The following RTN4 variants were observed in gnomAD, a reference collection of about 807,000 sequenced individuals.
The protein encoded by RTN4 is reticulon-4.
A neutral mutation model predicts 90.4 loss-of-function variants in RTN4; 32 were observed. That is an observed-to-expected ratio of 0.35 (90% CI 0.27 to 0.48). The LOEUF (loss-of-function observed/expected upper bound fraction) is 0.48, where lower values mean the gene tolerates loss of function less well. RTN4 is among the 20% of genes least tolerant of loss of function. RTN4 has a pLI of 0.99. For synonymous variants in RTN4, 629 were observed against 552.5 expected, an observed-to-expected ratio of 1.14 and a Z score of -1.94; for missense variants, 1,706 against 1,430.2, an observed-to-expected ratio of 1.19 and a Z score of -3.11.
chr2:55,049,472 G>C (rs1188221348), intron 1 of RTN4: 1 of 489,698 alleles, frequency 2.0e-6, no homozygotes, highest in Non-Finnish European at 3.8e-6. Flanking sequence ...CCGAGAATCC[G>C]TACGCTGGGC....
chr2:55,003,300 T>C (rs1679974729), intron 3 of RTN4, among the ~76,000 whole-genome samples: 1 of 152,224 alleles, frequency 6.6e-6, no homozygotes, highest in Admixed American at 6.5e-5. Context: ...AATTTGGTAA[T>C]TTTTCAGTTT....
intron 2 of RTN4, among the ~76,000 whole-genome samples, chr2:55,072,124 T>C (rs543778651): frequency 6.7e-6 from 1 of 149,174 alleles, no homozygotes; most frequent in African/African-American, 2.5e-5. Context: ...AAACAGTCCC[T>C]TATTGATGTG....
intron 2 of RTN4, among the ~76,000 whole-genome samples, chr2:55,065,293 C>G (rs539488343): frequency 6.6e-6 from 1 of 152,314 alleles, no homozygotes; most frequent in East Asian, 1.9e-4. Context: ...AAATTGCACT[C>G]ATAATCTCTG....
chr2:55,021,662 A>T (rs1219346814), intron 3 of RTN4, among the ~76,000 whole-genome samples: 1 of 152,098 alleles, frequency 6.6e-6, no homozygotes, highest in Non-Finnish European at 1.5e-5. Flanking sequence ...TTATATAATC[A>T]AGTCAAGAAA....
At chr2:55,032,075 T>G (rs1682357629) in intron 1 of RTN4, among the ~76,000 whole-genome samples, 1 of 151,824 alleles carries the variant, frequency 6.6e-6, no homozygotes, top group Non-Finnish European at 1.5e-5. Flanking sequence ...AACGTAGACG[T>G]TGGATTCGCA....
chr2:55,065,367 A>G (rs1344228978), intron 2 of RTN4, among the ~76,000 whole-genome samples: 1 of 152,172 alleles, frequency 6.6e-6, no homozygotes, highest in Admixed American at 6.5e-5. Context: ...TACTACCTCT[A>G]TGAAGGGCTG....
At chr2:55,005,856 T>C (rs1680181307) in intron 3 of RTN4, among the ~76,000 whole-genome samples, 1 of 152,168 alleles carries the variant, frequency 6.6e-6, no homozygotes, top group Non-Finnish European at 1.5e-5. Context: ...ATTCTGTGCA[T>C]GAAACAAAGA....
At chr2:55,090,790 C>T (rs1410810591) in intron 1 of RTN4, among the ~76,000 whole-genome samples, 1 of 152,176 alleles carries the variant, frequency 6.6e-6, no homozygotes, top group Non-Finnish European at 1.5e-5. Flanking sequence ...CCAAACTCGG[C>T]TCCACCCCCT....
rs540926218 is a variant in RTN4 at position 54,995,109 on chromosome 2, C to T, written c.3014-7411G>A. Among the ~76,000 whole-genome samples the T allele has an allele frequency of 7.3e-5, 11 of 151,708 alleles. No homozygotes were observed. In the East Asian group the frequency reaches 9.7e-4, roughly 13 times the overall value. Reference sequence around the variant, plus strand: ...ACAAAAATTAGCTGGGCATGGTGGCCGGTGCCTGTAATCCCAGCTACTCGG... The same window carrying T: ...ACAAAAATTAGCTGGGCATGGTGGCTGGTGCCTGTAATCCCAGCTACTCGG... On this transcript the variant is annotated intron_variant, in intron 3 of 8. Transcript: ENST00000337526.
intron 1 of RTN4, among the ~76,000 whole-genome samples, chr2:55,088,539 C>A (rs1255555897): frequency 2.0e-5 from 3 of 152,176 alleles, no homozygotes; most frequent in African/African-American, 7.2e-5. Context: ...GCTCCCTGGA[C>A]AACATACAGA....
intron 1 of RTN4, among the ~76,000 whole-genome samples, chr2:55,111,040 C>T (rs578128425): frequency 6.6e-6 from 1 of 151,758 alleles, no homozygotes; most frequent in African/African-American, 2.4e-5. Flanking sequence ...GACTGTGTCT[C>T]AAAATAACAA....
intron 1 of RTN4, among the ~76,000 whole-genome samples, chr2:55,098,479 TTA>T: frequency 6.6e-6 from 1 of 152,244 alleles, no homozygotes; most frequent in South Asian, 2.1e-4. Flanking sequence ...CAATTCTCTT[TTA>T]TCTTTACTTC....
At chr2:55,035,709 G>C (rs547388644) in intron 1 of RTN4, among the ~76,000 whole-genome samples, 1 of 152,144 alleles carries the variant, frequency 6.6e-6, no homozygotes, top group African/African-American at 2.4e-5. Context: ...TCAAGACAGA[G>C]ACTGAGAGAC....
chr2:55,011,096 A>C (rs79343842), intron 3 of RTN4, among the ~76,000 whole-genome samples: 1 of 152,218 alleles, frequency 6.6e-6, no homozygotes, highest in East Asian at 1.9e-4. Flanking sequence ...GCAGTGGTGC[A>C]ATCATTGGTC....
At chr2:55,105,180 T>C (rs1187155519) in intron 1 of RTN4, among the ~76,000 whole-genome samples, 1 of 151,774 alleles carries the variant, frequency 6.6e-6, no homozygotes, top group Non-Finnish European at 1.5e-5. Flanking sequence ...TCCATATTTC[T>C]TTTTTGTGAA....
In RTN4 at chr2:55,026,086, T is replaced by A. The variant is rs1041641792; in HGVS notation, c.2013A>T (p.Ser671=). 6.2e-7 allele frequency: 1 copy of A among 1,611,426 alleles called. No individual in the cohort carries two copies. The highest frequency in any genetic ancestry group is 8.5e-7 in the Non-Finnish European group (1 of 1,179,352). ...EAMSVSLKKV[S]GIKEEIKEPE... is the part of the protein sequence containing the mutation. ...GCTCTTTAATTTCTTCCTTTATTCC[T>A]GATACTTTTTTTAGTGATACACTCA... The change falls in exon 3 of 9, where the codon TCA becomes TCT. Residue 671 remains serine, a synonymous_variant. Coordinates refer to ENST00000337526, the MANE Select transcript of RTN4 (RefSeq NM_020532.5).
chr2:55,000,657 G>A (rs1558787402), intron 3 of RTN4, among the ~76,000 whole-genome samples: 1 of 152,256 alleles, frequency 6.6e-6, no homozygotes, highest in East Asian at 1.9e-4. Flanking sequence ...CATTTGTAAT[G>A]TAAACATATT....
Position 55,050,436 on chromosome 2 carries a change from C to G in RTN4, c.-136G>C, listed in dbSNP as rs1425683052. 7 of 460,824 alleles carry G rather than the reference C, an allele frequency of 1.5e-5. No homozygotes were observed. The Middle Eastern group carries it at 1.6e-3, about 105-fold the overall frequency. The allele number at this position is 460,824 out of a possible 1,614,324, so 28.5% of individuals were successfully genotyped here. On this transcript the variant is annotated 5_prime_UTR_variant, in exon 1 of 9. Coordinates refer to ENST00000337526, the MANE Select transcript of RTN4 (RefSeq NM_020532.5). The surrounding 1 kb of genome is among the most constrained non-coding windows in gnomAD (Gnocchi z 4.6). ...TGAGCCGAGGGACCTACTGTGGTGA[C>G]GGCTCCCGGAACAATGAGACTGCTC...
At chr2:54,991,048 C>G (rs541534791) in intron 3 of RTN4, among the ~76,000 whole-genome samples, 11 of 152,160 alleles carry the variant, frequency 7.2e-5, no homozygotes, top group Non-Finnish European at 1.5e-4. Flanking sequence ...TCTCAAAGTG[C>G]TGGGATTACA....
Sources: allele counts gnomAD v4.1 joint callset (sites outside exome capture counted in the v4.1 genomes callset), GRCh38; gene constraint gnomAD v4.1.1; non-coding constraint Gnocchi (gnomAD v3.1); transcripts MANE v1.5; gene names NCBI Gene and HGNC (gene_info 2026-07-23, HGNC 2026-07-21).